Variants in CNTNAP2 observed in about 807,000 individuals in gnomAD.
The protein encoded by CNTNAP2 is contactin associated protein 2, also known as contactin-associated protein-like 2.
A neutral mutation model predicts 155.2 loss-of-function variants in CNTNAP2; 98 were observed. The observed-to-expected ratio is 0.63, with a 90% CI of 0.54 to 0.75. The LOEUF (loss-of-function observed/expected upper bound fraction) is 0.75. Ranked by LOEUF, CNTNAP2 falls within the 30% of genes least tolerant of loss-of-function variation. The probability of loss-of-function intolerance (pLI) is 0.00; values close to 1 mark genes in which losing one functional copy is unlikely to be tolerated. For synonymous variants in CNTNAP2, 651 were observed against 631.2 expected, an observed-to-expected ratio of 1.03 and a Z score of -0.47; for missense variants, 1,727 against 1,688.1, an observed-to-expected ratio of 1.02 and a Z score of -0.40.
chr7:148,187,147 C>CACAA (rs1197880658), intron 18 of CNTNAP2, among the ~76,000 whole-genome samples: 1,998 of 67,176 alleles, frequency 0.03, 192 homozygotes, highest in African/African-American at 0.055. Flanking sequence ...CACACACACA[C>CACAA]AAACAGAGCC....
chr7:147,392,130 T>C (rs769024708), intron 9 of CNTNAP2, among the ~76,000 whole-genome samples: 1 of 152,082 alleles, frequency 6.6e-6, no homozygotes, highest in African/African-American at 2.4e-5. Flanking sequence ...CACCAGAACA[T>C]AGCAAAGATC....
intron 21 of CNTNAP2, among the ~76,000 whole-genome samples, chr7:148,330,900 TGGA>T (rs1486703837): frequency 2.6e-4 from 24 of 93,794 alleles, no homozygotes; most frequent in South Asian, 1.5e-3. Flanking sequence ...ATGGATGGAA[TGGA>T]CGGATGGAGT....
intron 12 of CNTNAP2, among the ~76,000 whole-genome samples, chr7:147,591,452 C>T (rs895844743): frequency 6.6e-6 from 1 of 152,110 alleles, no homozygotes; most frequent in African/African-American, 2.4e-5. Context: ...CTTTAAAGGT[C>T]CTATCTCCAA....
chr7:146,486,525 G>A (rs1459603877), intron 1 of CNTNAP2, among the ~76,000 whole-genome samples: 1 of 152,196 alleles, frequency 6.6e-6, no homozygotes, highest in Non-Finnish European at 1.5e-5. Flanking sequence ...AGGGATTAGG[G>A]TGGGATTGGT....
intron 13 of CNTNAP2, among the ~76,000 whole-genome samples, chr7:147,788,150 A>G (rs1797765625): frequency 6.6e-6 from 1 of 152,210 alleles, no homozygotes; most frequent in South Asian, 2.1e-4. Flanking sequence ...ATCTTGGATC[A>G]CTTAAATTAT....
rs375032955 is a variant in CNTNAP2, at chr7:147,044,015, C to T, written c.511C>T (p.Arg171Cys). 3.3e-5 allele frequency: 54 copies of T among 1,614,014 alleles called. No individual in the cohort carries two copies. Among genetic ancestry groups the T allele is most frequent in the Middle Eastern group, 3.3e-4 (2 of 6,084 alleles). Reference protein sequence around the residue: ...IVPLDWNGEGRIGLRIEVYGC... With the variant: ...IVPLDWNGEGCIGLRIEVYGC... ...GCCTCTGGATTGGAATGGAGAAGGT[C>T]GCATTGGACTCAGAATTGAAGTTTA... Residue 171 changes from arginine to cysteine, a missense_variant, in exon 4 of 24, where the codon CGC (arginine) becomes TGC (cysteine). Physicochemically the swap from Arg to Cys is radical, Grantham distance 180. Coordinates refer to ENST00000361727, the MANE Select transcript of CNTNAP2 (RefSeq NM_014141.6).
intron 1 of CNTNAP2, among the ~76,000 whole-genome samples, chr7:146,473,398 T>G (rs1584941425): frequency 6.6e-6 from 1 of 151,936 alleles, no homozygotes; most frequent in Admixed American, 6.5e-5. Flanking sequence ...CTCTTTTCCC[T>G]TCTTCTTTTC....
At chr7:146,509,412 G>A (rs767884927) in intron 1 of CNTNAP2, among the ~76,000 whole-genome samples, 12 of 152,164 alleles carry the variant, frequency 7.9e-5, no homozygotes, top group East Asian at 3.9e-4. Context: ...TCCCAAAGGC[G>A]AAGCATCTAG....
At chr7:147,253,510 G>C (rs1246740661) in intron 8 of CNTNAP2, among the ~76,000 whole-genome samples, 3 of 151,510 alleles carry the variant, frequency 2.0e-5, no homozygotes, top group African/African-American at 7.3e-5. Context: ...TTTCTCAGAT[G>C]GTATGAGGAT....
intron 1 of CNTNAP2, among the ~76,000 whole-genome samples, chr7:146,205,519 G>A (rs1798932231): frequency 6.6e-6 from 1 of 151,680 alleles, no homozygotes; most frequent in Non-Finnish European, 1.5e-5. Context: ...AACCTTTAAT[G>A]TAGTGCTATA....
At chr7:146,914,994 A>G (rs150486778) in intron 3 of CNTNAP2, among the ~76,000 whole-genome samples, 176 of 152,214 alleles carry the variant, frequency 1.2e-3, no homozygotes, top group African/African-American at 3.3e-3. Context: ...TAATTTTTGT[A>G]TAAGGTGAGA....
At chr7:146,567,350 A>G (rs1445967188) in intron 1 of CNTNAP2, among the ~76,000 whole-genome samples, 4 of 152,184 alleles carry the variant, frequency 2.6e-5, no homozygotes, top group Non-Finnish European at 5.9e-5. Context: ...CAATTAGTAG[A>G]CTATATGAAT....
intron 15 of CNTNAP2, among the ~76,000 whole-genome samples, chr7:148,050,055 G>A (rs570867642): frequency 5.9e-5 from 9 of 152,236 alleles, no homozygotes; most frequent in Non-Finnish European, 1.0e-4. Context: ...CCAGCTACTC[G>A]GAAGGCTGAG....
chr7:147,968,986 G>A (rs1463580946), intron 14 of CNTNAP2, among the ~76,000 whole-genome samples: 1 of 152,158 alleles, frequency 6.6e-6, no homozygotes, highest in Non-Finnish European at 1.5e-5. Flanking sequence ...AAAGTGGATT[G>A]GTCATTTCAA....
chr7:146,161,534 C>T (rs2116799509), intron 1 of CNTNAP2, among the ~76,000 whole-genome samples: 1 of 152,252 alleles, frequency 6.6e-6, no homozygotes, highest in South Asian at 2.1e-4. Flanking sequence ...AATTGAAGAA[C>T]ATTTCATGCT....
intron 13 of CNTNAP2, among the ~76,000 whole-genome samples, chr7:147,794,458 G>A (rs555408626): frequency 2.7e-4 from 41 of 151,816 alleles, no homozygotes; most frequent in Non-Finnish European, 5.2e-4. Flanking sequence ...TAGAGTCACC[G>A]GTTTTCAGAT....
At chr7:147,475,615 CT>C (rs1798306953) in intron 10 of CNTNAP2, among the ~76,000 whole-genome samples, 1 of 151,438 alleles carries the variant, frequency 6.6e-6, no homozygotes, top group Admixed American at 6.6e-5. Flanking sequence ...TTGTATTTGG[CT>C]ATGTTTGGTC....
At chr7:146,845,096 C>T (rs947152121) in intron 3 of CNTNAP2, among the ~76,000 whole-genome samples, 48 of 152,082 alleles carry the variant, frequency 3.2e-4, no homozygotes, top group Non-Finnish European at 6.0e-4. Flanking sequence ...ATAATTGTTT[C>T]AATAAATTTA....
chr7:147,331,977 T>C (rs1206422002), intron 9 of CNTNAP2, among the ~76,000 whole-genome samples: 2 of 152,180 alleles, frequency 1.3e-5, no homozygotes. Context: ...TGACATGTTT[T>C]AAAAAAGCTG....
Sources: gnomAD v4.1 joint callset for allele counts (sites outside exome capture counted in the v4.1 genomes callset) on GRCh38, gnomAD v4.1.1 for gene constraint, MANE v1.5 for transcripts, NCBI Gene and HGNC (gene_info 2026-07-23, HGNC 2026-07-21) for gene names.